The following EPN2 variants were observed in gnomAD, a reference collection of about 807,000 sequenced individuals.
EPN2 encodes epsin-2.
A neutral mutation model predicts 61.7 loss-of-function variants in EPN2; 34 were observed. The ratio of observed to expected loss-of-function variants is 0.55; its 90% CI spans 0.42 to 0.73. EPN2 has a LOEUF of 0.73. Among genes scored for constraint, EPN2 ranks in the 30% least tolerant of loss-of-function variants. The probability of loss-of-function intolerance (pLI) is 0.00; values close to 1 mark genes in which losing one functional copy is unlikely to be tolerated. For missense variants in EPN2, 714 were observed against 839.2 expected, an observed-to-expected ratio of 0.85 and a Z score of 1.84; for synonymous variants, 349 against 353.6, an observed-to-expected ratio of 0.99 and a Z score of 0.15.
chr17:19,334,275 C>G lies in EPN2; in HGVS notation c.*21C>G. ...TCTAGTGCCTGGGCCTGGGACCCAC[C>G]CAGAGCACCTGTGCTGGAGGATGCC... On this transcript the variant is annotated 3_prime_UTR_variant, in exon 11 of 11. Transcript: ENST00000314728. The surrounding 1 kb of genome is among the most constrained non-coding windows in gnomAD (Gnocchi z 4.9). 1 of 1,422,114 alleles carries G rather than the reference C, an allele frequency of 7.0e-7. No homozygotes were observed. 88.1% of individuals were successfully genotyped at this position (1,422,114 alleles called of 1,614,324 possible). A position where few individuals can be genotyped will look rare whatever the true frequency, so the allele number is the denominator to read the frequency against.
At chr17:19,306,936 T>C (rs1905872797) in intron 4 of EPN2, among the ~76,000 whole-genome samples, 1 of 152,212 alleles carries the variant, frequency 6.6e-6, no homozygotes, top group African/African-American at 2.4e-5. Context: ...GGAAAGAGGC[T>C]GGGAACAGGT....
chr17:19,279,621 G>T (rs2045341260), intron 1 of EPN2, among the ~76,000 whole-genome samples: 1 of 151,740 alleles, frequency 6.6e-6, no homozygotes, highest in Admixed American at 6.6e-5. Flanking sequence ...TGTATTTTTA[G>T]TAGAGACGGG....
At chr17:19,304,097 C>T (rs945914910) in intron 4 of EPN2, among the ~76,000 whole-genome samples, 20 of 88,956 alleles carry the variant, frequency 2.2e-4, no homozygotes, top group Admixed American at 3.6e-4. Flanking sequence ...AGTGAGACTC[C>T]GTCTCAAAAA....
intron 1 of EPN2, chr17:19,276,613 A>G (rs1030051623): frequency 1.3e-5 from 2 of 151,978 alleles, no homozygotes; most frequent in African/African-American, 4.8e-5. Flanking sequence ...AAATATTTCA[A>G]GTTTTGACAG....
At chr17:19,240,406 C>T (rs887716464) in intron 1 of EPN2, among the ~76,000 whole-genome samples, 3 of 152,094 alleles carry the variant, frequency 2.0e-5, no homozygotes, top group Non-Finnish European at 2.9e-5. Context: ...CCACCATGCC[C>T]GGCTAATTTT....
At chr17:19,319,824 T>C (rs1321134876) in intron 7 of EPN2, among the ~76,000 whole-genome samples, 1 of 152,142 alleles carries the variant, frequency 6.6e-6, no homozygotes, top group Admixed American at 6.5e-5. Flanking sequence ...ATTTTTGTAT[T>C]TTTATTAGAG....
At chr17:19,317,749 G>A (rs969521771) in intron 7 of EPN2, among the ~76,000 whole-genome samples, 3 of 152,202 alleles carry the variant, frequency 2.0e-5, no homozygotes, top group East Asian at 1.9e-4. Flanking sequence ...GGACCCTGCC[G>A]AGGACGTGGA....
At chr17:19,310,564 C>CT (rs1555602471) in intron 5 of EPN2, among the ~76,000 whole-genome samples, 2 of 118,952 alleles carry the variant, frequency 1.7e-5, no homozygotes, top group Non-Finnish European at 3.3e-5. Context: ...TCTCTTTCTC[C>CT]TTCTTTCTTT....
intron 4 of EPN2, among the ~76,000 whole-genome samples, chr17:19,303,594 TGGG>T (rs3837834): frequency 1.3e-5 from 2 of 152,144 alleles, no homozygotes; most frequent in South Asian, 2.1e-4. Flanking sequence ...CTGTCATAGA[TGGG>T]GGTATGACGT....
intron 4 of EPN2, among the ~76,000 whole-genome samples, chr17:19,288,706 C>G (rs919774118): frequency 6.6e-6 from 1 of 152,188 alleles, no homozygotes; most frequent in African/African-American, 2.4e-5. Context: ...CCTCTCAACT[C>G]TGTCTGGTTG....
At chr17:19,312,837 C>A in intron 6 of EPN2, 1 of 420,334 alleles carries the variant, frequency 2.4e-6, no homozygotes, top group South Asian at 3.1e-5. Flanking sequence ...GGGCAGAAGC[C>A]AGTGTTAGCC....
rs574021833 is a variant in EPN2 at position 19,299,991 on chromosome 17, C to T, written c.767-9894C>T. Among the ~76,000 whole-genome samples the T allele has an allele frequency of 3.9e-5, 6 of 152,312 alleles. No homozygotes were observed. In the South Asian group the frequency reaches 1.0e-3, roughly 26 times the overall value. On this transcript the variant is annotated intron_variant, in intron 4 of 10. Coordinates refer to ENST00000314728, the MANE Select transcript of EPN2 (RefSeq NM_014964.5). ...TGCCAGAAGTAAAGCTGACGTGGCC[C>T]CTGCTTTCCGCCCACTTGGGCAGAT... is the stretch of plus-strand genomic sequence containing the variant.
At chr17:19,289,896 T>C (rs1039730055) in intron 4 of EPN2, among the ~76,000 whole-genome samples, 2 of 151,784 alleles carry the variant, frequency 1.3e-5, no homozygotes, top group African/African-American at 4.8e-5. Flanking sequence ...GGCTAATTTT[T>C]GTATTTTTAG....
In EPN2 at chr17:19,271,225, G is replaced by A. The variant is rs574502052; in HGVS notation, c.-293-10730G>A. Among the ~76,000 whole-genome samples the A allele has an allele frequency of 3.2e-4, 49 of 152,192 alleles. 1 individual carries two copies. The Middle Eastern group carries it at 0.014, about 42-fold the overall frequency. On this transcript the variant is annotated intron_variant, in intron 1 of 10. Coordinates refer to ENST00000314728, the MANE Select transcript of EPN2 (RefSeq NM_014964.5). The stretch of plus-strand genomic sequence containing the variant: ...CATAAGAAATGTCAGATAGAGGAGG[G>A]GCTCTGTTCCAGATGACAGCTGGTG...
chr17:19,264,567 T>C (rs1348811093), intron 1 of EPN2, among the ~76,000 whole-genome samples: 1 of 152,236 alleles, frequency 6.6e-6, no homozygotes, highest in Non-Finnish European at 1.5e-5. Context: ...GTGAGGTGAC[T>C]AAAAGGTGCT....
chr17:19,252,667 G>A (rs2045027305), intron 1 of EPN2, among the ~76,000 whole-genome samples: 1 of 152,086 alleles, frequency 6.6e-6, no homozygotes, highest in Non-Finnish European at 1.5e-5. Flanking sequence ...TTAAAATTGT[G>A]GAATAATGAT....
chr17:19,320,034 C>T (rs985938763), intron 7 of EPN2, among the ~76,000 whole-genome samples: 10 of 152,236 alleles, frequency 6.6e-5, no homozygotes, highest in African/African-American at 1.4e-4. Flanking sequence ...ACCTGGGGCT[C>T]GGAGCAGAGC....
intron 4 of EPN2, among the ~76,000 whole-genome samples, chr17:19,289,646 G>A (rs918077891): frequency 6.6e-6 from 1 of 151,692 alleles, no homozygotes; most frequent in Non-Finnish European, 1.5e-5. Flanking sequence ...ATTCTGGGCT[G>A]CAGGCACACT....
chr17:19,301,979 C>T (rs150754378), intron 4 of EPN2, among the ~76,000 whole-genome samples: 37 of 152,360 alleles, frequency 2.4e-4, no homozygotes, highest in African/African-American at 8.4e-4. Context: ...GGTCCTGAGT[C>T]TTGGCTCTGA....
Sources: allele counts gnomAD v4.1 joint callset (sites outside exome capture counted in the v4.1 genomes callset), GRCh38; gene constraint gnomAD v4.1.1; non-coding constraint Gnocchi (gnomAD v3.1); transcripts MANE v1.5; gene names NCBI Gene and HGNC (gene_info 2026-07-23, HGNC 2026-07-21).